The following DMRT1 variants were observed in gnomAD, a reference collection of about 807,000 sequenced individuals.
DMRT1 encodes doublesex- and mab-3-related transcription factor 1.
In DMRT1, 7 loss-of-function variants were observed where a neutral mutation model predicts 32.3. The observed-to-expected ratio is 0.22, with a 90% CI of 0.12 to 0.41. The LOEUF is 0.41. DMRT1 is among the 10% of genes least tolerant of loss of function. The pLI, the probability that DMRT1 is intolerant of heterozygous loss-of-function variation, is 1.00. For missense variants in DMRT1, 625 were observed against 500.5 expected (o/e 1.25, Z -2.37); for synonymous variants, 278 against 206.1 (o/e 1.35, Z -2.99).
At chr9:867,433 G>C (rs1027130886) in intron 2 of DMRT1, among the ~76,000 whole-genome samples, 7 of 152,202 alleles carry the variant, frequency 4.6e-5, no homozygotes, top group Non-Finnish European at 5.9e-5. Flanking sequence ...TTGGCATTAT[G>C]TTTTCATAGG....
At chr9:857,896 G>A (rs902693123) in intron 2 of DMRT1, among the ~76,000 whole-genome samples, 7 of 150,298 alleles carry the variant, frequency 4.7e-5, no homozygotes, top group African/African-American at 9.8e-5. Flanking sequence ...TTGTCCTTGC[G>A]ATAGTTTGCT....
intron 2 of DMRT1, among the ~76,000 whole-genome samples, chr9:892,847 T>G (rs55700540): frequency 0.069 from 10,492 of 152,176 alleles, 746 homozygotes; most frequent in African/African-American, 0.18. Flanking sequence ...CAGCCTCACT[T>G]CCCTGCCCAT....
chr9:862,125 C>T (rs1218014195), intron 2 of DMRT1, among the ~76,000 whole-genome samples: 2 of 149,990 alleles, frequency 1.3e-5, no homozygotes, highest in African/African-American at 2.4e-5. Flanking sequence ...GCTGCAATCT[C>T]AGCACTTTGG....
intron 2 of DMRT1, among the ~76,000 whole-genome samples, chr9:854,402 G>C (rs371181978): frequency 6.6e-6 from 1 of 152,060 alleles, no homozygotes; most frequent in Admixed American, 6.6e-5. Flanking sequence ...TCGTGCCTCA[G>C]CCTCCTGAGT....
intron 2 of DMRT1, among the ~76,000 whole-genome samples, chr9:872,137 C>T (rs1278051692): frequency 3.3e-5 from 5 of 151,272 alleles, no homozygotes; most frequent in Non-Finnish European, 5.9e-5. Context: ...TTTCGGCTCA[C>T]TGCAACCTCT....
At chr9:912,320 A>G (rs12341984) in intron 3 of DMRT1, among the ~76,000 whole-genome samples, 37,061 of 152,182 alleles carry the variant, frequency 0.24, 8,091 homozygotes, top group African/African-American at 0.59. Context: ...GTGAGGACAC[A>G]GAGCCAAACC....
intron 4 of DMRT1, among the ~76,000 whole-genome samples, chr9:929,721 C>G (rs1818646065): frequency 6.6e-6 from 1 of 152,016 alleles, no homozygotes; most frequent in Non-Finnish European, 1.5e-5. Flanking sequence ...CCTGTTTGTG[C>G]CAGGCCTAAC....
intron 4 of DMRT1, among the ~76,000 whole-genome samples, chr9:936,370 A>G (rs558283652): frequency 2.2e-4 from 34 of 152,274 alleles, no homozygotes; most frequent in African/African-American, 7.7e-4. Context: ...TGAAAGAACT[A>G]TCTCCTGGCT....
intron 2 of DMRT1, among the ~76,000 whole-genome samples, chr9:890,085 G>GTTTTTTTT (rs35228255): frequency 1.3e-4 from 13 of 102,994 alleles, no homozygotes; most frequent in African/African-American, 2.3e-4. Flanking sequence ...CACCAAACGT[G>GTTTTTTTT]TTTTTTTTTT....
rs1256586875 is a variant in DMRT1, at chr9:841,736, G to C, written c.-103G>C. 6 of 1,545,946 alleles carry C rather than the reference G, an allele frequency of 3.9e-6. No homozygotes were observed. Among genetic ancestry groups the C allele is most frequent in the African/African-American group, 2.7e-5 (2 of 72,972 alleles). Reference sequence around the variant, plus strand: ...TCCGGCTGCAGCGCACACGTCTCCTGCGCCTCCTCCTCCGGAGCGTCGCTG... The same window carrying C: ...TCCGGCTGCAGCGCACACGTCTCCTCCGCCTCCTCCTCCGGAGCGTCGCTG... On this transcript the variant is annotated 5_prime_UTR_variant, in exon 1 of 5. Transcript: ENST00000382276.
intron 2 of DMRT1, among the ~76,000 whole-genome samples, chr9:892,745 A>G (rs1329975914): frequency 6.6e-6 from 1 of 152,106 alleles, no homozygotes; most frequent in Non-Finnish European, 1.5e-5. Flanking sequence ...ATTACATCCC[A>G]GAGTCAGGAG....
intron 2 of DMRT1, among the ~76,000 whole-genome samples, chr9:852,033 G>A (rs1192156370): frequency 1.3e-5 from 2 of 151,252 alleles, no homozygotes; most frequent in African/African-American, 2.4e-5. Flanking sequence ...TCTGCCTCCT[G>A]GGTTCAAGAG....
chr9:877,118 A>G (rs1255455049), intron 2 of DMRT1, among the ~76,000 whole-genome samples: 1 of 152,238 alleles, frequency 6.6e-6, no homozygotes, highest in Non-Finnish European at 1.5e-5. Context: ...GTGAAAGGCT[A>G]TTGGATTTAA....
chr9:924,307 A>G (rs1475041191), intron 4 of DMRT1, among the ~76,000 whole-genome samples: 1 of 152,072 alleles, frequency 6.6e-6, no homozygotes, highest in Non-Finnish European at 1.5e-5. Context: ...CCTGACCTCA[A>G]GTGATCTGCC....
chr9:908,347 A>C (rs1039786447), intron 3 of DMRT1, among the ~76,000 whole-genome samples: 3 of 152,024 alleles, frequency 2.0e-5, no homozygotes, highest in Non-Finnish European at 2.9e-5. Flanking sequence ...AGTTCTAGCT[A>C]CTCAGGAGCC....
At chr9:950,795 A>G (rs1819404298) in intron 4 of DMRT1, among the ~76,000 whole-genome samples, 1 of 152,118 alleles carries the variant, frequency 6.6e-6, no homozygotes, top group Non-Finnish European at 1.5e-5. Flanking sequence ...AGTGAAAAGC[A>G]GTGTTTCCAG....
intron 2 of DMRT1, among the ~76,000 whole-genome samples, chr9:885,744 T>C (rs1816902763): frequency 6.6e-6 from 1 of 152,096 alleles, no homozygotes. Context: ...AGCTAGTCCA[T>C]GGGCACAGGC....
chr9:851,533 T>C (rs1452063823), intron 2 of DMRT1, among the ~76,000 whole-genome samples: 2 of 152,196 alleles, frequency 1.3e-5, no homozygotes. Context: ...CCACTGCATC[T>C]GGCCTTAGTA....
chr9:952,469 T>C (rs1398981003), intron 4 of DMRT1, among the ~76,000 whole-genome samples: 1 of 152,194 alleles, frequency 6.6e-6, no homozygotes, highest in Non-Finnish European at 1.5e-5. Flanking sequence ...AACCTGAGAA[T>C]TTGTGCAATT....
Sources: gnomAD v4.1 joint callset for allele counts (sites outside exome capture counted in the v4.1 genomes callset) on GRCh38, gnomAD v4.1.1 for gene constraint, MANE v1.5 for transcripts, NCBI Gene and HGNC (gene_info 2026-07-23, HGNC 2026-07-21) for gene names.